KATNIP: variants seen among roughly 807,000 people sequenced by gnomAD.
KATNIP encodes katanin-interacting protein.
Under a neutral mutation model 174.0 loss-of-function variants are expected in KATNIP, and 126 were observed. That is an observed-to-expected ratio of 0.72 (90% CI 0.63 to 0.84). The LOEUF is 0.84. Among genes scored for constraint, KATNIP ranks in the 40% least tolerant of loss-of-function variants. The pLI, the probability that KATNIP is intolerant of heterozygous loss-of-function variation, is 0.00. For synonymous variants in KATNIP, 810 were observed against 835.7 expected (o/e 0.97, Z 0.53); for missense variants, 1,958 against 2,109.7 (o/e 0.93, Z 1.41).
chr16:27,708,800 C>A lies in KATNIP; in HGVS notation c.1485C>A (p.Leu495=), dbSNP rs748326550. ...SNWGNSWWVG[L]TEVEFFDLND... is the part of the protein sequence containing the mutation. ...GGGGCAACTCGTGGTGGGTGGGTCTCACAGAAGTCGAGTTCTTTGACTTGA... is the reference window on the plus strand; with the variant it reads ...GGGGCAACTCGTGGTGGGTGGGTCTAACAGAAGTCGAGTTCTTTGACTTGA... The change falls in exon 13 of 28, where the codon CTC becomes CTA. Residue 495 remains leucine, a synonymous_variant. Transcript: ENST00000261588. 1 of 1,613,940 alleles carries A rather than the reference C, an allele frequency of 6.2e-7. No individual in the cohort carries two copies. Among genetic ancestry groups the A allele is most frequent in the East Asian group, 2.2e-5 (1 of 44,872 alleles).
At chr16:27,571,840 T>G (rs1429555038) in intron 1 of KATNIP, among the ~76,000 whole-genome samples, 1 of 152,218 alleles carries the variant, frequency 6.6e-6, no homozygotes. Flanking sequence ...TAGGGCTCAC[T>G]CGGAATCCTT....
At chr16:27,701,331 AT>A in intron 10 of KATNIP, 1 of 348,372 alleles carries the variant, frequency 2.9e-6, no homozygotes, top group Non-Finnish European at 5.5e-6. Flanking sequence ...CCAGTGAAGC[AT>A]TTTGATAAGA....
intron 17 of KATNIP, among the ~76,000 whole-genome samples, chr16:27,753,687 TC>T (rs2081603175): frequency 2.0e-5 from 3 of 152,144 alleles, no homozygotes; most frequent in Non-Finnish European, 4.4e-5. Context: ...AGAGCCACTC[TC>T]TATGGTTTGA....
intron 2 of KATNIP, among the ~76,000 whole-genome samples, chr16:27,611,237 G>T (rs949194152): frequency 6.6e-6 from 1 of 152,138 alleles, no homozygotes; most frequent in Non-Finnish European, 1.5e-5. Flanking sequence ...CTTTTGTTAA[G>T]CCCTGATCGC....
At position 27,578,832 on chromosome 16, in the gene KATNIP, C is replaced by T. The variant is rs2090593856; in HGVS notation, c.63+4876C>T. On this transcript the variant is annotated intron_variant, in intron 2 of 27. Coordinates refer to ENST00000261588, the MANE Select transcript of KATNIP (RefSeq NM_015202.5). ...CCCTCAAGGGATCCGCCCACCTCGG[C>T]CTTCCAAAGTGCTGGGATTACAGGC... is the stretch of plus-strand genomic sequence containing the variant. Among the ~76,000 whole-genome samples the T allele has an allele frequency of 2.6e-5, 4 of 152,048 alleles. No homozygotes were observed. In the South Asian group the frequency reaches 8.3e-4, roughly 32 times the overall value.
intron 1 of KATNIP, among the ~76,000 whole-genome samples, chr16:27,565,485 A>G (rs1323072500): frequency 6.6e-6 from 1 of 151,542 alleles, no homozygotes; most frequent in Non-Finnish European, 1.5e-5. Flanking sequence ...AAAAAAGGAA[A>G]GAAAAGAAAT....
At chr16:27,612,758 CAAA>C (rs1205124734) in intron 2 of KATNIP, among the ~76,000 whole-genome samples, 1 of 149,964 alleles carries the variant, frequency 6.7e-6, no homozygotes, top group East Asian at 2.0e-4. Context: ...GACTCCTTCT[CAAA>C]AAGAAAAAAA....
chr16:27,736,277 A>G (rs1225004229), intron 14 of KATNIP, among the ~76,000 whole-genome samples: 1 of 152,208 alleles, frequency 6.6e-6, no homozygotes, highest in Non-Finnish European at 1.5e-5. Flanking sequence ...TGTTGGGATT[A>G]CAAGCATGAG....
chr16:27,721,834 T>C (rs774709974), intron 14 of KATNIP, 139 bp downstream of exon 14: 2 of 934,188 alleles, frequency 2.1e-6, no homozygotes, highest in Non-Finnish European at 3.2e-6. Context: ...AAGAGCCTGC[T>C]GGTAGGTTCA....
intron 6 of KATNIP, among the ~76,000 whole-genome samples, chr16:27,655,354 C>T (rs1022801713): frequency 2.0e-5 from 3 of 150,886 alleles, no homozygotes; most frequent in Non-Finnish European, 4.4e-5. Context: ...CCACCTCAGC[C>T]TCCCAAGTAG....
At chr16:27,698,602 T>C in intron 9 of KATNIP, 102 bp downstream of exon 9, 1 of 1,178,964 alleles carries the variant, frequency 8.5e-7, no homozygotes, top group Non-Finnish European at 1.2e-6. Context: ...AGAGGTGTAG[T>C]GGGCATCGCT....
intron 2 of KATNIP, among the ~76,000 whole-genome samples, chr16:27,603,857 C>T (rs2075616122): frequency 6.6e-6 from 1 of 151,978 alleles, no homozygotes; most frequent in Non-Finnish European, 1.5e-5. Flanking sequence ...CTGCCTCAGC[C>T]TCCCGAGTAG....
At position 27,662,049 on chromosome 16, in the gene KATNIP, C is replaced by CATATATATATATATATACACATACATAT. The variant is rs1567270086; in HGVS notation, c.540+13331_540+13332insCACATACATATATATATATATATATATA. On this transcript the variant is annotated intron_variant, in intron 6 of 27. Transcript: ENST00000261588. Reference sequence around the variant, plus strand: ...ATATATATATATATATATACACATACATATATATATATATATATATATACA... The same window carrying CATATATATATATATATACACATACATAT: ...ATATATATATATATATATACACATACATATATATATATATATACACATACATATATATATATATATATATATATATACA... 6.9e-4 allele frequency among the ~76,000 whole-genome samples: 6 copies of CATATATATATATATATACACATACATAT among 8,638 alleles called. 2 individuals carry two copies. Among genetic ancestry groups the CATATATATATATATATACACATACATAT allele is most frequent in the African/African-American group, 3.0e-3 (4 of 1,312 alleles). 5.7% of individuals were successfully genotyped at this position (8,638 alleles called of 152,430 possible).
chr16:27,730,382 T>A (rs1198189845), intron 14 of KATNIP, among the ~76,000 whole-genome samples: 3 of 152,222 alleles, frequency 2.0e-5, no homozygotes, highest in African/African-American at 7.2e-5. Context: ...TGAGTGGAAC[T>A]GAGTCACAGC....
intron 5 of KATNIP, among the ~76,000 whole-genome samples, chr16:27,641,113 G>A (rs1367604589): frequency 6.6e-6 from 1 of 151,668 alleles, no homozygotes; most frequent in Non-Finnish European, 1.5e-5. Context: ...ACTCCAGCCT[G>A]GGCGACAGAG....
At chr16:27,612,373 G>T (rs961868851) in intron 2 of KATNIP, among the ~76,000 whole-genome samples, 1 of 152,168 alleles carries the variant, frequency 6.6e-6, no homozygotes, top group Non-Finnish European at 1.5e-5. Flanking sequence ...GTAGCTGGGG[G>T]TGTTGTGAAT....
intron 13 of KATNIP, among the ~76,000 whole-genome samples, chr16:27,715,700 T>C (rs1289022525): frequency 1.3e-5 from 2 of 152,174 alleles, no homozygotes; most frequent in African/African-American, 2.4e-5. Context: ...CTTAACATCA[T>C]AAGTTGTTAG....
At chr16:27,742,041 A>G (rs922326756) in intron 15 of KATNIP, among the ~76,000 whole-genome samples, 1 of 152,106 alleles carries the variant, frequency 6.6e-6, no homozygotes, top group Non-Finnish European at 1.5e-5. Context: ...TCAAAAAAAA[A>G]AAAAAAAGGC....
chr16:27,621,209 G>A (rs941320521), intron 3 of KATNIP, among the ~76,000 whole-genome samples: 1 of 151,924 alleles, frequency 6.6e-6, no homozygotes, highest in African/African-American at 2.4e-5. Flanking sequence ...CTTGAGTCTA[G>A]GAATTCAAGA....
Sources: allele counts gnomAD v4.1 joint callset (sites outside exome capture counted in the v4.1 genomes callset), GRCh38; gene constraint gnomAD v4.1.1; transcripts MANE v1.5; gene names NCBI Gene and HGNC (gene_info 2026-07-23, HGNC 2026-07-21).